The following TRIP12 variants were observed in gnomAD, a reference collection of about 807,000 sequenced individuals.
TRIP12 encodes the protein E3 ubiquitin-protein ligase TRIP12.
Under a neutral mutation model 244.2 loss-of-function variants are expected in TRIP12, and 25 were observed. That is an observed-to-expected ratio of 0.10 (90% CI 0.07 to 0.14). The LOEUF is 0.14. TRIP12 is among the 10% of genes least tolerant of loss of function. The pLI is 1.00. For synonymous variants in TRIP12, 905 were observed against 873.1 expected (o/e 1.04, Z -0.64); for missense variants, 1,677 against 2,486.4 (o/e 0.67, Z 6.92).
chr2:229,838,134 T>C (rs753625806), intron 5 of TRIP12, among the ~76,000 whole-genome samples: 5 of 152,236 alleles, frequency 3.3e-5, no homozygotes, highest in Non-Finnish European at 5.9e-5. Flanking sequence ...AGGCTCTGGC[T>C]TACCTGAGAG....
At chr2:229,777,280 G>T in intron 37 of TRIP12, 35 bp downstream of exon 37, 1 of 1,585,366 alleles carries the variant, frequency 6.3e-7, no homozygotes, top group South Asian at 1.1e-5. Flanking sequence ...CTAAAATAAA[G>T]ACTTGATCTA....
At chr2:229,793,796 G>A (rs1387293933) in intron 26 of TRIP12, among the ~76,000 whole-genome samples, 1 of 151,912 alleles carries the variant, frequency 6.6e-6, no homozygotes, top group East Asian at 1.9e-4. Context: ...CAGCCCAGAT[G>A]GCTTTGTATA....
chr2:229,897,244 T>G (rs1183126951), intron 1 of TRIP12, among the ~76,000 whole-genome samples: 3 of 152,186 alleles, frequency 2.0e-5, no homozygotes, highest in Non-Finnish European at 4.4e-5. Flanking sequence ...TTATATACAC[T>G]TCATTTATAT....
At chr2:229,849,445 C>T (rs1167544649) in intron 4 of TRIP12, among the ~76,000 whole-genome samples, 1 of 151,970 alleles carries the variant, frequency 6.6e-6, no homozygotes. Flanking sequence ...AGGGATCAAA[C>T]ACTTGGGGGT....
At chr2:229,813,787 AAAAATAAAAT>A in intron 13 of TRIP12, 73 bp downstream of exon 13, 1 of 1,049,648 alleles carries the variant, frequency 9.5e-7, no homozygotes, top group Non-Finnish European at 1.2e-6. Flanking sequence ...CCCATCTCAA[AAAAATAAAAT>A]AAAATAAAAT....
intron 1 of TRIP12, among the ~76,000 whole-genome samples, chr2:229,912,170 CTTATTTAACA>C: frequency 6.6e-6 from 1 of 152,186 alleles, no homozygotes; most frequent in Non-Finnish European, 1.5e-5. Flanking sequence ...CCAGCTTCTG[CTTATTTAACA>C]TTTTAAACAA....
At chr2:229,906,756 T>A (rs957634092) in intron 1 of TRIP12, among the ~76,000 whole-genome samples, 2 of 151,634 alleles carry the variant, frequency 1.3e-5, no homozygotes, top group Admixed American at 6.6e-5. Context: ...AATAAGAAAT[T>A]TATCCTCTAG....
chr2:229,811,466 T>C (rs1411780516), intron 13 of TRIP12, among the ~76,000 whole-genome samples: 2 of 151,900 alleles, frequency 1.3e-5, no homozygotes, highest in East Asian at 3.9e-4. Flanking sequence ...GGAAGAACTA[T>C]TATGCTTACA....
At chr2:229,864,004 A>AAGAGAGAGAGAGAGAGAG (rs1163408528) in intron 2 of TRIP12, among the ~76,000 whole-genome samples, 39 of 81,224 alleles carry the variant, frequency 4.8e-4, no homozygotes, top group South Asian at 2.2e-3. Flanking sequence ...ATTTGGGTGA[A>AAGAGAGAGAGAGAGAGAG]AGAGAGAGAG....
intron 15 of TRIP12, 93 bp downstream of exon 15, chr2:229,810,786 TA>T: frequency 7.9e-7 from 1 of 1,261,760 alleles, no homozygotes; most frequent in Non-Finnish European, 1.1e-6. Flanking sequence ...ATAATATTAG[TA>T]ATCTCTTCCA....
intron 8 of TRIP12, among the ~76,000 whole-genome samples, chr2:229,820,090 G>T (rs1197476660): frequency 1.3e-5 from 2 of 152,046 alleles, no homozygotes; most frequent in African/African-American, 4.8e-5. Flanking sequence ...TAATGTGGAA[G>T]GAAAAACAAA....
Position 229,777,468 on chromosome 2 carries a change from G to A in TRIP12, c.5376C>T (p.Pro1792=), listed in dbSNP as rs756723896. Residue 1792 remains proline, a synonymous_variant, in exon 37 of 42, where the codon CCC becomes CCT. Coordinates refer to ENST00000675903, the MANE Select transcript of TRIP12 (RefSeq NM_001348323.3). The part of the protein sequence containing the change: ...AIMDFRLVDL[P]LGLPFYKWML... ...TCCATTTATAAAAGGGTAAGCCAAG[G>A]GGAAGGTCCACCTGAAATGGAATAT... 2 of 1,613,580 alleles carry A rather than the reference G, an allele frequency of 1.2e-6. No homozygotes were observed. Among genetic ancestry groups the A allele is most frequent in the Non-Finnish European group, 8.5e-7 (1 of 1,179,730 alleles).
intron 8 of TRIP12, among the ~76,000 whole-genome samples, chr2:229,828,755 A>G (rs2052458484): frequency 6.6e-6 from 1 of 152,052 alleles, no homozygotes. Flanking sequence ...CGACAGAGCA[A>G]GACTCCATCT....
chr2:229,804,190 T>G lies in TRIP12; in HGVS notation c.2688A>C (p.Ala896=). ...YSESKKDDAR[A]QLMKEDPELA... is the part of the protein sequence containing the mutation. Reference sequence around the variant, plus strand: ...GTTCCGGATCCTCTTTCATAAGCTGTGCTCGAGCATCATCCTTCTTTGACT... The same window carrying G: ...GTTCCGGATCCTCTTTCATAAGCTGGGCTCGAGCATCATCCTTCTTTGACT... The change falls in exon 19 of 42, where the codon GCA becomes GCC. Residue 896 remains alanine, a synonymous_variant. Coordinates refer to ENST00000675903, the MANE Select transcript of TRIP12 (RefSeq NM_001348323.3). The G allele has an allele frequency of 6.2e-7, 1 of 1,613,982 alleles. No homozygotes were observed.
intron 5 of TRIP12, 22 bp downstream of exon 5, chr2:229,840,800 T>TAAAA: frequency 4.6e-6 from 6 of 1,311,422 alleles, no homozygotes; most frequent in Middle Eastern, 2.0e-4. Context: ...GAACTCACTA[T>TAAAA]AAAAAAAAAA....
intron 21 of TRIP12, 108 bp downstream of exon 21, chr2:229,802,139 AAATAT>A: frequency 1.3e-6 from 1 of 741,346 alleles, no homozygotes; most frequent in Non-Finnish European, 1.9e-6. Context: ...ACAAAAGGAA[AAATAT>A]AATATATATA....
chr2:229,839,301 G>A (rs1489615861), intron 5 of TRIP12, among the ~76,000 whole-genome samples: 10 of 152,142 alleles, frequency 6.6e-5, no homozygotes, highest in Admixed American at 5.9e-4. Context: ...TACTATCTAG[G>A]TTTGTTTTAA....
intron 1 of TRIP12, among the ~76,000 whole-genome samples, chr2:229,899,525 T>A (rs2154368429): frequency 6.6e-6 from 1 of 152,262 alleles, no homozygotes; most frequent in South Asian, 2.1e-4. Flanking sequence ...GATACTGGAA[T>A]CTTTGGTAGG....
intron 2 of TRIP12, among the ~76,000 whole-genome samples, chr2:229,873,771 T>G (rs962461783): frequency 2.0e-5 from 3 of 152,158 alleles, no homozygotes; most frequent in Admixed American, 6.5e-5. Flanking sequence ...GAAGGCTATA[T>G]CCTATATTTC....
Sources: gnomAD v4.1 joint callset for allele counts (sites outside exome capture counted in the v4.1 genomes callset) on GRCh38, gnomAD v4.1.1 for gene constraint, MANE v1.5 for transcripts, NCBI Gene and HGNC (gene_info 2026-07-23, HGNC 2026-07-21) for gene names.